Variants in MVB12B observed in about 807,000 individuals in gnomAD.
The protein encoded by MVB12B is ESCRT-I complex subunit MVB12B.
MVB12B carries 16 observed loss-of-function variants against 41.6 expected under a neutral mutation model. That is an observed-to-expected ratio of 0.38 (90% confidence interval 0.26 to 0.58). The LOEUF (loss-of-function observed/expected upper bound fraction) is 0.58, where lower values mean the gene tolerates loss of function less well. Among genes scored for constraint, MVB12B ranks in the 20% least tolerant of loss-of-function variants. MVB12B has a pLI of 0.62. For synonymous variants in MVB12B, 133 were observed against 139.7 expected, an observed-to-expected ratio of 0.95 and a Z score of 0.34; for missense variants, 274 against 380.2, an observed-to-expected ratio of 0.72 and a Z score of 2.32.
At chr9:126,489,904 C>G (rs901390507) in intron 9 of MVB12B, among the ~76,000 whole-genome samples, 1 of 152,138 alleles carries the variant, frequency 6.6e-6, no homozygotes, top group Admixed American at 6.5e-5. Context: ...TTTCTTGTCC[C>G]GGCCCCACCT....
chr9:126,372,840 G>A (rs1337217835), intron 2 of MVB12B, among the ~76,000 whole-genome samples: 1 of 152,146 alleles, frequency 6.6e-6, no homozygotes, highest in Admixed American at 6.5e-5. Context: ...GATTCTTTCA[G>A]CCAGGCCCTA....
chr9:126,493,525 C>T (rs1198286076), intron 9 of MVB12B, among the ~76,000 whole-genome samples: 1 of 152,142 alleles, frequency 6.6e-6, no homozygotes. Flanking sequence ...CAGGACTATT[C>T]TTCCAGTTGA....
At chr9:126,410,712 C>A in intron 6 of MVB12B, among the ~76,000 whole-genome samples, 1 of 152,062 alleles carries the variant, frequency 6.6e-6, no homozygotes, top group Admixed American at 6.6e-5. Flanking sequence ...ATCTCTTGGG[C>A]CACTGTCTAG....
At chr9:126,427,962 T>C (rs913702404) in intron 7 of MVB12B, among the ~76,000 whole-genome samples, 1 of 152,144 alleles carries the variant, frequency 6.6e-6, no homozygotes, top group African/African-American at 2.4e-5. Context: ...TTTTCTTTTT[T>C]TTTTTTTGCT....
In MVB12B at chr9:126,480,928, CCT is replaced by C. The variant is rs569540818; in HGVS notation, c.758-440_758-439del. 5.3e-4 allele frequency: 84 copies of C among 158,976 alleles called. No homozygotes were observed. The highest frequency in any genetic ancestry group is 1.8e-3 in the African/African-American group (76 of 41,816). The allele number at this position is 158,976 out of a possible 1,614,324, so 9.8% of individuals were successfully genotyped here. On this transcript the variant is annotated intron_variant, in intron 7 of 9. Transcript: ENST00000361171. The surrounding 1 kb of genome is among the most constrained non-coding windows in gnomAD (Gnocchi z 4.9). ...TCTTTCCTCCCACTTAGTCTTTTCC[CCT>C]GAGTCCAACAGCACCTTAGAGCATG...
chr9:126,454,231 G>A (rs1286613893), intron 7 of MVB12B, among the ~76,000 whole-genome samples: 1 of 152,238 alleles, frequency 6.6e-6, no homozygotes, highest in South Asian at 2.1e-4. Flanking sequence ...AAGTTTGGCT[G>A]TTAAAATGTG....
intron 9 of MVB12B, among the ~76,000 whole-genome samples, chr9:126,489,746 C>T (rs970410613): frequency 4.6e-5 from 7 of 152,216 alleles, no homozygotes; most frequent in East Asian, 1.9e-4. Context: ...TCCGTCACCT[C>T]GCACCCAGAG....
intron 9 of MVB12B, among the ~76,000 whole-genome samples, chr9:126,495,343 T>G (rs1833808644): frequency 6.6e-6 from 1 of 152,118 alleles, no homozygotes; most frequent in Non-Finnish European, 1.5e-5. Flanking sequence ...AGGGAAGGGT[T>G]GGGGAGAGCG....
chr9:126,455,138 C>T (rs552330843), intron 7 of MVB12B, among the ~76,000 whole-genome samples: 5 of 152,222 alleles, frequency 3.3e-5, no homozygotes, highest in South Asian at 2.1e-4. Context: ...TAAGACCCTG[C>T]GAGCTGGCTA....
At chr9:126,501,986 C>T (rs777784344) in intron 9 of MVB12B, among the ~76,000 whole-genome samples, 4 of 152,166 alleles carry the variant, frequency 2.6e-5, no homozygotes, top group Non-Finnish European at 5.9e-5. Context: ...CTGGCCTGCC[C>T]GTGTACAGGT....
At chr9:126,364,675 G>A (rs945407720) in intron 2 of MVB12B, among the ~76,000 whole-genome samples, 1 of 152,212 alleles carries the variant, frequency 6.6e-6, no homozygotes, top group Admixed American at 6.5e-5. Context: ...CAGGAATTGT[G>A]TCTTAGGTTT....
intron 7 of MVB12B, among the ~76,000 whole-genome samples, chr9:126,423,735 A>T (rs1485638163): frequency 6.6e-6 from 1 of 152,200 alleles, no homozygotes; most frequent in Non-Finnish European, 1.5e-5. Flanking sequence ...CAACTATGGT[A>T]CAACTGGGAA....
At chr9:126,484,096 C>T (rs951394517) in intron 9 of MVB12B, 64 bp downstream of exon 9, 94 of 1,485,004 alleles carry the variant, frequency 6.3e-5, no homozygotes, top group Non-Finnish European at 8.3e-5. Flanking sequence ...CGGCGTCTCT[C>T]GTGTGTTCCC....
At chr9:126,500,965 G>A (rs538712052) in intron 9 of MVB12B, among the ~76,000 whole-genome samples, 2 of 152,356 alleles carry the variant, frequency 1.3e-5, no homozygotes, top group South Asian at 4.1e-4. Flanking sequence ...GCTACCTTGG[G>A]AGTCCCGCGC....
chr9:126,430,601 A>C (rs911636007), intron 7 of MVB12B, among the ~76,000 whole-genome samples: 24 of 146,188 alleles, frequency 1.6e-4, no homozygotes, highest in African/African-American at 5.3e-4. Context: ...ATTGAGGAGG[A>C]TGTAGGTAAA....
intron 7 of MVB12B, among the ~76,000 whole-genome samples, chr9:126,476,050 C>CCGG: frequency 1.0e-5 from 1 of 96,862 alleles, no homozygotes; most frequent in Non-Finnish European, 2.8e-5. Flanking sequence ...CTGGTCCAGT[C>CCGG]AGGAGCACAT....
intron 2 of MVB12B, among the ~76,000 whole-genome samples, chr9:126,343,819 A>C (rs1564281759): frequency 6.6e-6 from 1 of 152,228 alleles, no homozygotes. Context: ...CGTGAGACTG[A>C]GGCAGGACAA....
intron 1 of MVB12B, chr9:126,335,355 A>G: frequency 7.7e-7 from 1 of 1,304,276 alleles, no homozygotes; most frequent in South Asian, 1.2e-5. Flanking sequence ...CCAGCTGCCC[A>G]TTTAACTGGG....
chr9:126,331,910 G>A (rs1454539529), intron 1 of MVB12B, among the ~76,000 whole-genome samples: 1 of 152,216 alleles, frequency 6.6e-6, no homozygotes, highest in Non-Finnish European at 1.5e-5. Flanking sequence ...GAAGGCCTGG[G>A]AATCTCTTCC....
Sources: gnomAD v4.1 joint callset for allele counts (sites outside exome capture counted in the v4.1 genomes callset) on GRCh38, gnomAD v4.1.1 for gene constraint, Gnocchi (gnomAD v3.1) non-coding constraint, MANE v1.5 for transcripts, NCBI Gene and HGNC (gene_info 2026-07-23, HGNC 2026-07-21) for gene names.